The following KCNQ3 variants were observed in gnomAD, a reference collection of about 807,000 sequenced individuals.
KCNQ3 encodes potassium voltage-gated channel subfamily Q member 3.
In KCNQ3, 30 loss-of-function variants were observed where a neutral mutation model predicts 92.5. The observed-to-expected ratio is 0.32, with a 90% CI of 0.24 to 0.44. The LOEUF (loss-of-function observed/expected upper bound fraction) is 0.44. KCNQ3 is among the 20% of genes least tolerant of loss of function. The pLI, the probability that KCNQ3 is intolerant of heterozygous loss-of-function variation, is 1.00. For synonymous variants in KCNQ3, 450 were observed against 468.8 expected (o/e 0.96, Z 0.52); for missense variants, 913 against 1,140.3 (o/e 0.80, Z 2.87).
At chr8:132,163,938 A>C (rs1256258923) in intron 8 of KCNQ3, among the ~76,000 whole-genome samples, 1 of 152,156 alleles carries the variant, frequency 6.6e-6, no homozygotes, top group Non-Finnish European at 1.5e-5. Context: ...TAACAACCCT[A>C]TGAAGTACTA....
intron 12 of KCNQ3, among the ~76,000 whole-genome samples, chr8:132,136,843 T>C (rs1266011410): frequency 6.6e-6 from 1 of 151,782 alleles, no homozygotes; most frequent in East Asian, 1.9e-4. Context: ...TTTCTAAATA[T>C]TATTTTACGG....
Position 132,437,641 on chromosome 8 carries a change from C to G in KCNQ3, c.386+42506G>C. On this transcript the variant is annotated intron_variant, in intron 1 of 14. Transcript: ENST00000388996. ...TATCACTGTTTCTGATGCCTCTATA[C>G]ACTCTAATTCCTCAACTCAGTTTTC... is the stretch of plus-strand genomic sequence containing the variant. Among the ~76,000 whole-genome samples, 2 of 152,198 alleles carry G rather than the reference C, an allele frequency of 1.3e-5. 1 individual carries two copies. The highest frequency in any genetic ancestry group is 2.9e-5 in the Non-Finnish European group (2 of 68,044).
At chr8:132,378,371 G>A (rs1367710394) in intron 1 of KCNQ3, among the ~76,000 whole-genome samples, 1 of 151,724 alleles carries the variant, frequency 6.6e-6, no homozygotes, top group South Asian at 2.1e-4. Flanking sequence ...CAGCCTGGGT[G>A]ACAGAGCAAG....
chr8:132,132,321 T>C, intron 13 of KCNQ3, 57 bp from the exon 14 acceptor site: 2 of 1,412,868 alleles, frequency 1.4e-6, no homozygotes, highest in South Asian at 2.3e-5. Context: ...CTATGCAAGG[T>C]AATTTCGGCT....
chr8:132,461,178 A>G (rs1383853867), intron 1 of KCNQ3, among the ~76,000 whole-genome samples: 1 of 152,206 alleles, frequency 6.6e-6, no homozygotes, highest in African/African-American at 2.4e-5. Context: ...GAGTAAAGCT[A>G]TTAGAAACAT....
chr8:132,251,449 G>T (rs901579571), intron 1 of KCNQ3, among the ~76,000 whole-genome samples: 6 of 152,206 alleles, frequency 3.9e-5, no homozygotes, highest in Admixed American at 2.0e-4. Flanking sequence ...CATTTTAAAA[G>T]AGAACTCCTG....
intron 1 of KCNQ3, among the ~76,000 whole-genome samples, chr8:132,408,329 T>C (rs1478934004): frequency 6.6e-6 from 1 of 152,196 alleles, no homozygotes; most frequent in Admixed American, 6.5e-5. Flanking sequence ...CTGCCTCTAC[T>C]ACATGGAGTG....
rs908773463 is a variant in KCNQ3 at position 132,355,858 on chromosome 8, C to T, written c.386+124289G>A. ...TCACCTACCAGAGTCCCTCAACTAC[C>T]TGATCCTGAATTTGCCTTCAGAAAC... On this transcript the variant is annotated intron_variant, in intron 1 of 14. Transcript: ENST00000388996. Among the ~76,000 whole-genome samples the T allele has an allele frequency of 5.9e-5, 9 of 152,204 alleles. 1 individual carries two copies. The highest frequency in any genetic ancestry group is 2.0e-4 in the Admixed American group (3 of 15,284).
chr8:132,340,896 G>A (rs907357819), intron 1 of KCNQ3, among the ~76,000 whole-genome samples: 2 of 152,218 alleles, frequency 1.3e-5, no homozygotes, highest in Admixed American at 6.5e-5. Flanking sequence ...GCTAGGAACT[G>A]AGCTGGATCC....
At position 132,123,508 on chromosome 8, in the gene KCNQ3, C is replaced by T. The variant is rs1347170220; in HGVS notation, c.*5754G>A. On this transcript the variant is annotated 3_prime_UTR_variant, in exon 15 of 15. Transcript: ENST00000388996. The stretch of plus-strand genomic sequence containing the variant: ...GTCCCCAAAGGTATGTCCGGTTTAA[C>T]AGTTTCTCAAGTGGGCCAGGAAGTT... 6.6e-6 allele frequency: 1 copy of T among 152,202 alleles called. No individual in the cohort carries two copies. Among genetic ancestry groups the T allele is most frequent in the Non-Finnish European group, 1.5e-5 (1 of 68,046 alleles). 9.4% of individuals were successfully genotyped at this position (152,202 alleles called of 1,614,324 possible). A position where few individuals can be genotyped will look rare whatever the true frequency, so the allele number is the denominator to read the frequency against.
intron 9 of KCNQ3, among the ~76,000 whole-genome samples, chr8:132,153,092 A>T (rs1300560642): frequency 6.6e-6 from 1 of 152,190 alleles, no homozygotes; most frequent in African/African-American, 2.4e-5. Context: ...TACATTTTAG[A>T]CTAACCCTGA....
intron 1 of KCNQ3, among the ~76,000 whole-genome samples, chr8:132,299,173 T>TAC (rs1817139929): frequency 6.6e-6 from 1 of 150,542 alleles, no homozygotes; most frequent in Admixed American, 6.6e-5. Flanking sequence ...TATATATATA[T>TAC]ATATATATAT....
At chr8:132,183,672 A>G (rs935280058) in intron 3 of KCNQ3, among the ~76,000 whole-genome samples, 1 of 152,158 alleles carries the variant, frequency 6.6e-6, no homozygotes, top group Non-Finnish European at 1.5e-5. Flanking sequence ...TTCCAGTGAC[A>G]CCTCTCAAGG....
intron 1 of KCNQ3, among the ~76,000 whole-genome samples, chr8:132,286,490 C>T (rs1183741156): frequency 6.6e-6 from 1 of 152,206 alleles, no homozygotes; most frequent in Non-Finnish European, 1.5e-5. Context: ...ACCTGTTCTG[C>T]CATTGTATTT....
intron 1 of KCNQ3, among the ~76,000 whole-genome samples, chr8:132,441,982 A>C (rs1419062438): frequency 6.6e-6 from 1 of 152,150 alleles, no homozygotes; most frequent in East Asian, 1.9e-4. Flanking sequence ...GAACAGAAAA[A>C]CAAATACTGC....
intron 1 of KCNQ3, among the ~76,000 whole-genome samples, chr8:132,387,852 T>A (rs1052747796): frequency 3.9e-5 from 6 of 151,900 alleles, no homozygotes; most frequent in Admixed American, 3.9e-4. Flanking sequence ...AAAATTTTTT[T>A]AATTAGCCAC....
At chr8:132,250,497 T>C (rs1417109836) in intron 1 of KCNQ3, among the ~76,000 whole-genome samples, 1 of 151,648 alleles carries the variant, frequency 6.6e-6, no homozygotes, top group Non-Finnish European at 1.5e-5. Flanking sequence ...TCATAATGTA[T>C]TTTAAATATT....
chr8:132,197,396 C>T (rs1167569773), intron 1 of KCNQ3, among the ~76,000 whole-genome samples: 1 of 152,202 alleles, frequency 6.6e-6, no homozygotes, highest in Admixed American at 6.5e-5. Flanking sequence ...CCTCCAACAC[C>T]TTCGCTCTAT....
chr8:132,425,053 G>T (rs1292658479), intron 1 of KCNQ3, among the ~76,000 whole-genome samples: 1 of 152,194 alleles, frequency 6.6e-6, no homozygotes, highest in Non-Finnish European at 1.5e-5. Context: ...GGGATTCCCA[G>T]TGCCTTTGGA....
Sources: allele counts gnomAD v4.1 joint callset (sites outside exome capture counted in the v4.1 genomes callset), GRCh38; gene constraint gnomAD v4.1.1; transcripts MANE v1.5; gene names NCBI Gene and HGNC (gene_info 2026-07-23, HGNC 2026-07-21).